MGAT4C: variants seen among roughly 807,000 people sequenced by gnomAD.
MGAT4C encodes alpha-1,3-mannosyl-glycoprotein 4-beta-N-acetylglucosaminyltransferase C.
MGAT4C carries 19 observed loss-of-function variants against 40.1 expected under a neutral mutation model. The ratio of observed to expected loss-of-function variants is 0.47; its 90% CI spans 0.33 to 0.70. The LOEUF is 0.70. Among genes scored for constraint, MGAT4C ranks in the 30% least tolerant of loss-of-function variants. The pLI is 0.02. For synonymous variants in MGAT4C, 181 were observed against 187.1 expected (o/e 0.97, Z 0.27); for missense variants, 491 against 563.2 (o/e 0.87, Z 1.30).
chr12:86,300,091 C>T (rs1243074448), intron 4 of MGAT4C, among the ~76,000 whole-genome samples: 1 of 152,192 alleles, frequency 6.6e-6, no homozygotes, highest in Non-Finnish European at 1.5e-5. Flanking sequence ...GGCTCAGCTT[C>T]ATCTCTACTG....
At chr12:86,013,402 C>T (rs1338393106) in intron 2 of MGAT4C, among the ~76,000 whole-genome samples, 7 of 152,078 alleles carry the variant, frequency 4.6e-5, no homozygotes, top group South Asian at 4.2e-4. Flanking sequence ...CCACCACGCC[C>T]GGCTAATTTC....
intron 4 of MGAT4C, among the ~76,000 whole-genome samples, chr12:86,322,891 T>TA (rs1268198045): frequency 6.6e-6 from 1 of 152,122 alleles, no homozygotes; most frequent in Non-Finnish European, 1.5e-5. Flanking sequence ...TCAGTTTCTG[T>TA]ATACATTGTC....
At chr12:86,752,969 G>T (rs1157804110) in intron 1 of MGAT4C, among the ~76,000 whole-genome samples, 4 of 152,086 alleles carry the variant, frequency 2.6e-5, no homozygotes, top group Middle Eastern at 3.2e-3. Flanking sequence ...ACATGGGAAA[G>T]AACTTCTATA....
At chr12:85,988,305 T>C (rs1192893944) in intron 3 of MGAT4C, among the ~76,000 whole-genome samples, 1 of 152,142 alleles carries the variant, frequency 6.6e-6, no homozygotes, top group Non-Finnish European at 1.5e-5. Context: ...GCAAGATGTT[T>C]TACAGAGGAC....
chr12:86,249,358 A>T (rs1159352991), intron 1 of MGAT4C, among the ~76,000 whole-genome samples: 1 of 152,222 alleles, frequency 6.6e-6, no homozygotes, highest in African/African-American at 2.4e-5. Context: ...ATAACTTAAT[A>T]GATTGATATA....
intron 3 of MGAT4C, among the ~76,000 whole-genome samples, chr12:86,405,902 A>T (rs1257790929): frequency 9.9e-6 from 1 of 100,812 alleles, no homozygotes; most frequent in African/African-American, 3.4e-5. Flanking sequence ...CTGGACATAC[A>T]TAGGTAATAT....
chr12:86,177,091 C>T (rs1284503188), intron 1 of MGAT4C, among the ~76,000 whole-genome samples: 1 of 151,782 alleles, frequency 6.6e-6, no homozygotes, highest in African/African-American at 2.4e-5. Context: ...AGAATACCAG[C>T]TTACTAATAA....
intron 2 of MGAT4C, among the ~76,000 whole-genome samples, chr12:86,573,484 T>A (rs144041582): frequency 6.6e-6 from 1 of 152,174 alleles, no homozygotes; most frequent in East Asian, 1.9e-4. Context: ...ATTCAAAACA[T>A]GCTTACTGTT....
intron 3 of MGAT4C, among the ~76,000 whole-genome samples, chr12:86,342,846 T>C (rs1954932960): frequency 6.6e-6 from 1 of 152,214 alleles, no homozygotes; most frequent in African/African-American, 2.4e-5. Context: ...TTTCAGTGAA[T>C]GATTCATAGG....
intron 1 of MGAT4C, among the ~76,000 whole-genome samples, chr12:86,097,906 G>GCT (rs1282516425): frequency 1.3e-5 from 2 of 151,538 alleles, no homozygotes; most frequent in Non-Finnish European, 3.0e-5. Context: ...TTTTCAACCA[G>GCT]CTAATGTCTC....
intron 4 of MGAT4C, among the ~76,000 whole-genome samples, chr12:86,275,312 T>G (rs1953046028): frequency 7.0e-6 from 1 of 142,990 alleles, no homozygotes; most frequent in Admixed American, 7.2e-5. Flanking sequence ...GTCTCTCAAC[T>G]TAATCACCTT....
At chr12:86,197,881 T>C (rs1355180432) in intron 1 of MGAT4C, among the ~76,000 whole-genome samples, 1 of 152,150 alleles carries the variant, frequency 6.6e-6, no homozygotes, top group Non-Finnish European at 1.5e-5. Context: ...TCTGTAGGGG[T>C]AATTGTAATA....
intron 1 of MGAT4C, among the ~76,000 whole-genome samples, chr12:86,783,590 C>T (rs531549403): frequency 1.3e-5 from 2 of 152,104 alleles, no homozygotes; most frequent in Non-Finnish European, 2.9e-5. Flanking sequence ...ATGTACAGTG[C>T]CTGATGTAGT....
chr12:86,672,641 C>T (rs759171230), intron 2 of MGAT4C, among the ~76,000 whole-genome samples: 2 of 151,956 alleles, frequency 1.3e-5, no homozygotes, highest in Admixed American at 6.6e-5. Context: ...ATACTATGAG[C>T]GACTATATAC....
intron 1 of MGAT4C, chr12:86,067,994 T>G (rs1894720104): frequency 6.6e-6 from 1 of 152,166 alleles, no homozygotes. Flanking sequence ...CCAAAAAATC[T>G]GGAAGATCCT....
intron 3 of MGAT4C, among the ~76,000 whole-genome samples, chr12:86,423,432 T>C (rs1956868077): frequency 6.6e-6 from 1 of 151,980 alleles, no homozygotes; most frequent in South Asian, 2.1e-4. Flanking sequence ...GTAATGATAG[T>C]GTTTTCAATT....
At chr12:86,057,480 A>G (rs534918650) in intron 1 of MGAT4C, among the ~76,000 whole-genome samples, 1 of 152,280 alleles carries the variant, frequency 6.6e-6, no homozygotes, top group East Asian at 1.9e-4. Context: ...ACACTGAACT[A>G]CCTGCTATTT....
rs886971555 is a variant in MGAT4C, at chr12:86,525,313, C to T, written c.-228-90048G>A. On this transcript the variant is annotated intron_variant, in intron 2 of 7. Coordinates refer to the MGAT4C transcript ENST00000548651. ...AAGAAGGTGGTTGCTTCCCCCTTGCCTTCCACCATGATTGTAAGTTTCCTG... is the reference window on the plus strand; with the variant it reads ...AAGAAGGTGGTTGCTTCCCCCTTGCTTTCCACCATGATTGTAAGTTTCCTG... 3.2e-4 allele frequency among the ~76,000 whole-genome samples: 48 copies of T among 152,198 alleles called. 1 individual carries two copies. Among genetic ancestry groups the T allele is most frequent in the Non-Finnish European group, 1.5e-5 (1 of 68,038 alleles).
chr12:86,133,512 T>C (rs1881534217), intron 1 of MGAT4C, among the ~76,000 whole-genome samples: 1 of 152,204 alleles, frequency 6.6e-6, no homozygotes, highest in Non-Finnish European at 1.5e-5. Context: ...CAGCTTATCT[T>C]TTATGAAGAT....
Sources: allele counts gnomAD v4.1 joint callset (sites outside exome capture counted in the v4.1 genomes callset), GRCh38; gene constraint gnomAD v4.1.1; transcripts MANE v1.5; gene names NCBI Gene and HGNC (gene_info 2026-07-23, HGNC 2026-07-21).